Variants in MYOM3 observed in about 807,000 individuals in gnomAD.
MYOM3 encodes the protein myomesin-3.
A neutral mutation model predicts 191.7 loss-of-function variants in MYOM3; 155 were observed. The ratio of observed to expected loss-of-function variants is 0.81; its 90% CI spans 0.71 to 0.92. MYOM3 has a LOEUF of 0.92. Ranked by LOEUF, MYOM3 falls within the 40% of genes least tolerant of loss-of-function variation. The pLI, the probability that MYOM3 is intolerant of heterozygous loss-of-function variation, is 0.00. For synonymous variants in MYOM3, 757 were observed against 762.9 expected, an observed-to-expected ratio of 0.99 and a Z score of 0.13; for missense variants, 1,889 against 1,890.6, an observed-to-expected ratio of 1.00 and a Z score of 0.02.
At chr1:24,103,917 A>G (rs1643960309) in intron 5 of MYOM3, among the ~76,000 whole-genome samples, 1 of 152,024 alleles carries the variant, frequency 6.6e-6, no homozygotes, top group Admixed American at 6.6e-5. Context: ...AAATAATTAA[A>G]TAATTCCTTT....
intron 9 of MYOM3, 110 bp from the exon 10 acceptor site, chr1:24,093,218 G>T: frequency 1.4e-6 from 1 of 720,000 alleles, no homozygotes; most frequent in East Asian, 2.6e-5. Context: ...GAGAGAGGCT[G>T]GTGAGGCTCA....
rs552442304 is a variant in MYOM3 at position 24,107,201 on chromosome 1, C to T, written c.274G>A (p.Val92Met). 1.3e-5 allele frequency: 21 copies of T among 1,606,486 alleles called. No homozygotes were observed. Among genetic ancestry groups the T allele is most frequent in the African/African-American group, 5.3e-5 (4 of 74,930 alleles). ...TTCTGCCCTCGCTCCTCCAGCTCCA[C>T]GGCAGAGGTCTGGCGTCTCAGCTGG... ...EAQLRRQTSAVELEERGQKRV... is the reference protein window; with the variant it reads ...EAQLRRQTSAMELEERGQKRV... The change falls in exon 4 of 37, where the codon GTG becomes ATG. Residue 92 changes from valine (V) to methionine (M), a missense_variant. By Grantham distance (21) the Val-to-Met change is conservative. Coordinates refer to ENST00000374434, the MANE Select transcript of MYOM3 (RefSeq NM_152372.4).
At chr1:24,110,497 C>T (rs1299361937) in intron 1 of MYOM3, among the ~76,000 whole-genome samples, 2 of 152,150 alleles carry the variant, frequency 1.3e-5, no homozygotes, top group Non-Finnish European at 2.9e-5. Flanking sequence ...AGCCGTTGGC[C>T]TGGAAGGGGC....
Position 24,104,875 on chromosome 1 carries a change from G to T in MYOM3, c.560+1045C>A, listed in dbSNP as rs1643969308. 2.0e-5 allele frequency among the ~76,000 whole-genome samples: 3 copies of T among 152,276 alleles called. 1 individual carries two copies. In the South Asian group the frequency reaches 6.2e-4, roughly 32 times the overall value. ...GCCCCAGTGCCTCAGTCAGGTCCTG[G>T]GATAGATGACACCCTCAGTAAATAT... On this transcript the variant is annotated intron_variant, in intron 5 of 36. Transcript: ENST00000374434.
intron 11 of MYOM3, among the ~76,000 whole-genome samples, chr1:24,091,592 C>T (rs1643831513): frequency 6.6e-6 from 1 of 152,208 alleles, no homozygotes; most frequent in African/African-American, 2.4e-5. Flanking sequence ...GTCATCTCCC[C>T]ACATACTTTG....
chr1:24,097,168 G>A (rs1422257495), intron 7 of MYOM3, among the ~76,000 whole-genome samples: 1 of 152,210 alleles, frequency 6.6e-6, no homozygotes, highest in Non-Finnish European at 1.5e-5. Context: ...GGGCAGTGGG[G>A]GTCAGGTGGG....
rs1490392660 is a variant in MYOM3 at position 24,107,169 on chromosome 1, C to T, written c.306G>A (p.Val102=). The change falls in exon 4 of 37, where the codon GTG becomes GTA. Residue 102 remains valine, a synonymous_variant. Coordinates refer to ENST00000374434, the MANE Select transcript of MYOM3 (RefSeq NM_152372.4). The stretch of plus-strand genomic sequence containing the variant: ...TCCTCTCCCAGTCATTGCCGAAGCC[C>T]ACCCGCTTCTGCCCTCGCTCCTCCA... The part of the protein sequence containing the change: ...VELEERGQKR[V]GFGNDWERTE... The T allele has an allele frequency of 6.2e-7, 1 of 1,611,482 alleles. No individual in the cohort carries two copies. Among genetic ancestry groups the T allele is most frequent in the Non-Finnish European group, 8.5e-7 (1 of 1,178,948 alleles).
Position 24,106,018 on chromosome 1 carries a change from G to C in MYOM3, c.462C>G (p.Pro154=). The C allele has an allele frequency of 1.2e-6, 2 of 1,613,942 alleles. No homozygotes were observed. The highest frequency in any genetic ancestry group is 1.7e-6 in the Non-Finnish European group (2 of 1,179,982). The part of the protein sequence containing the change: ...ELRELCYGRG[P]WFWIPLRSHA... Reference sequence around the variant, plus strand: ...GGGAGCGAAGAGGGATCCAGAACCAGGGCCCGCGGCCGTAGCACAGCTCCC... The same window carrying C: ...GGGAGCGAAGAGGGATCCAGAACCACGGCCCGCGGCCGTAGCACAGCTCCC... The change falls in exon 5 of 37, where the codon CCC becomes CCG. Residue 154 remains proline (P), a synonymous_variant. Coordinates refer to ENST00000374434, the MANE Select transcript of MYOM3 (RefSeq NM_152372.4).
Position 24,099,780 on chromosome 1 carries a change from G to T in MYOM3, c.561-5C>A. 6.2e-7 allele frequency: 1 copy of T among 1,612,390 alleles called. No homozygotes were observed. Among genetic ancestry groups the T allele is most frequent in the Non-Finnish European group, 8.5e-7 (1 of 1,178,448 alleles). ...ATCCGTGTGTCATTTTTGTACCTGT[G>T]GGGACATAGCGGTCTGTGGCAGGCA... On this transcript the variant is annotated splice_polypyrimidine_tract_variant and splice_region_variant and intron_variant, in intron 5 of 36. Coordinates refer to ENST00000374434, the MANE Select transcript of MYOM3 (RefSeq NM_152372.4).
In MYOM3 at chr1:24,082,666, G is replaced by GGGT; in HGVS notation, c.2018_2019insACC (p.Val673_Arg674insPro). ...CTACCCCAGCCTCGCTGACTGACCT[G>GGGT]ACACAAAACTCGTACTCCTTCCCCG... On this transcript the variant is annotated inframe_insertion, in exon 17 of 37. Transcript: ENST00000374434. 1.2e-6 allele frequency: 2 copies of GGGT among 1,612,308 alleles called. No homozygotes were observed. The highest frequency in any genetic ancestry group is 1.7e-6 in the Non-Finnish European group (2 of 1,179,324).
chr1:24,068,015 G>A lies in MYOM3; in HGVS notation c.3310C>T (p.Leu1104=), dbSNP rs1557602874. The A allele has an allele frequency of 6.2e-7, 1 of 1,614,222 alleles. No individual in the cohort carries two copies. The highest frequency in any genetic ancestry group is 2.2e-5 in the East Asian group (1 of 44,878). ...CTTCTCTTAGCATCTGCCTTCCTCAGAAGCTTGTCAAAATCTGTGAACACA... is the reference window on the plus strand; with the variant it reads ...CTTCTCTTAGCATCTGCCTTCCTCAAAAGCTTGTCAAAATCTGTGAACACA... ...TLVDDDFDKL[L]RKADAKRRDW... The change falls in exon 27 of 37, where the codon CTG becomes TTG. Residue 1104 remains leucine, a synonymous_variant. Coordinates refer to ENST00000374434, the MANE Select transcript of MYOM3 (RefSeq NM_152372.4).
chr1:24,063,363 G>A lies in MYOM3; in HGVS notation c.3661+129C>T. ...GGAAATGCAGTGCTGTGAAGAGGCG[G>A]GATTTTCTCTTCGGTGTTTGAGGTT... On this transcript the variant is annotated intron_variant, in intron 31 of 36. Transcript: ENST00000374434. This position sits in a 1 kb window ranked among gnomAD's most constrained non-coding sequence, Gnocchi z 4.5. The A allele has an allele frequency of 2.2e-6, 3 of 1,393,346 alleles. No homozygotes were observed. The South Asian group carries it at 3.5e-5, about 16-fold the overall frequency. The allele number at this position is 1,393,346 out of a possible 1,614,324, so 86.3% of individuals were successfully genotyped here.
At chr1:24,084,677 G>A (rs778582480) in intron 15 of MYOM3, 38 bp from the exon 16 acceptor site, 2 of 1,569,548 alleles carry the variant, frequency 1.3e-6, no homozygotes, top group Non-Finnish European at 1.7e-6. Context: ...AGAAGGCTGA[G>A]TTACATGGGT....
intron 7 of MYOM3, among the ~76,000 whole-genome samples, chr1:24,097,658 C>A (rs1643885543): frequency 6.6e-6 from 1 of 152,214 alleles, no homozygotes; most frequent in South Asian, 2.1e-4. Context: ...CATCTCCCAG[C>A]TGCTCTTGAC....
intron 25 of MYOM3, among the ~76,000 whole-genome samples, chr1:24,070,745 G>C (rs6698852): frequency 0.094 from 14,235 of 152,136 alleles, 2,147 homozygotes; most frequent in African/African-American, 0.31. Context: ...TACAAAAATA[G>C]TTTGTATTTA....
chr1:24,087,647 G>T lies in MYOM3; in HGVS notation c.1615-820C>A, dbSNP rs79421696. On this transcript the variant is annotated intron_variant, in intron 14 of 36. Coordinates refer to ENST00000374434, the MANE Select transcript of MYOM3 (RefSeq NM_152372.4). This position sits in a 1 kb window ranked among gnomAD's most constrained non-coding sequence, Gnocchi z 4.5. ...TAAAAATCCACCTTCCTGGGCAGTG[G>T]GGAGGCCATCCCAGCCACTCCATCT... Among the ~76,000 whole-genome samples the T allele has an allele frequency of 0.041, 6,256 of 152,070 alleles. 326 individuals carry two copies. Among genetic ancestry groups the T allele is most frequent in the East Asian group, 0.28 (1,459 of 5,162 alleles).
At chr1:24,059,829 G>T (rs1162489708) in intron 35 of MYOM3, among the ~76,000 whole-genome samples, 4 of 152,194 alleles carry the variant, frequency 2.6e-5, no homozygotes, top group Non-Finnish European at 5.9e-5. Flanking sequence ...AGGGGAAGCT[G>T]TGGGAACAGG....
At chr1:24,094,555 G>A (rs1557614037) in intron 9 of MYOM3, among the ~76,000 whole-genome samples, 1 of 152,056 alleles carries the variant, frequency 6.6e-6, no homozygotes, top group Non-Finnish European at 1.5e-5. Flanking sequence ...TGTGCTGATG[G>A]CTTCCTCCCT....
chr1:24,079,645 G>A (rs986731382), intron 20 of MYOM3, among the ~76,000 whole-genome samples: 1 of 152,150 alleles, frequency 6.6e-6, no homozygotes, highest in Non-Finnish European at 1.5e-5. Flanking sequence ...AGCTTGGGCC[G>A]TTACAAACAA....
Sources: allele counts gnomAD v4.1 joint callset (sites outside exome capture counted in the v4.1 genomes callset), GRCh38; gene constraint gnomAD v4.1.1; non-coding constraint Gnocchi (gnomAD v3.1); transcripts MANE v1.5; gene names NCBI Gene and HGNC (gene_info 2026-07-23, HGNC 2026-07-21).